The following CHAF1B variants were observed in gnomAD, a reference collection of about 807,000 sequenced individuals.
CHAF1B encodes chromatin assembly factor 1 subunit B, also known as CAF-1 subunit B.
Under a neutral mutation model 60.7 loss-of-function variants are expected in CHAF1B, and 10 were observed. The ratio of observed to expected loss-of-function variants is 0.16; its 90% CI spans 0.10 to 0.28. The LOEUF (loss-of-function observed/expected upper bound fraction) is 0.28. Among genes scored for constraint, CHAF1B ranks in the 10% least tolerant of loss-of-function variants. CHAF1B has a pLI of 1.00. For synonymous variants in CHAF1B, 261 were observed against 266.1 expected (o/e 0.98, Z 0.19); for missense variants, 558 against 708.4 (o/e 0.79, Z 2.41).
chr21:36,401,597 A>ATTTTATAATATACATAATATATAT (rs2086191614), intron 7 of CHAF1B, among the ~76,000 whole-genome samples: 1 of 78,340 alleles, frequency 1.3e-5, no homozygotes, highest in Non-Finnish European at 2.3e-5. Flanking sequence ...CATAATATAT[A>ATTTTATAATATACATAATATATAT]TTTTATATTA....
chr21:36,389,800 T>TGTGTGTGTGTGC, intron 3 of CHAF1B, among the ~76,000 whole-genome samples: 13 of 124,796 alleles, frequency 1.0e-4, no homozygotes, highest in South Asian at 2.7e-4. Flanking sequence ...TGTGTGTGTG[T>TGTGTGTGTGTGC]GCGCGCGCAC....
At position 36,408,837 on chromosome 21, in the gene CHAF1B, A is replaced by G; in HGVS notation, c.827+7A>G. The G allele has an allele frequency of 6.3e-7, 1 of 1,579,240 alleles. No homozygotes were observed. Among genetic ancestry groups the G allele is most frequent in the South Asian group, 1.1e-5 (1 of 90,158 alleles). On this transcript the variant is annotated splice_region_variant and intron_variant, in intron 9 of 13. Coordinates refer to ENST00000314103, the MANE Select transcript of CHAF1B (RefSeq NM_005441.3). ...CCAGGAAGAATCTTAAAAGGTATGC[A>G]GTCAAGGAAATGTTTGAAATGTTTA...
At chr21:36,404,400 T>C (rs924926409) in intron 8 of CHAF1B, among the ~76,000 whole-genome samples, 3 of 118,854 alleles carry the variant, frequency 2.5e-5, no homozygotes, top group African/African-American at 1.2e-4. Context: ...CGCCCGGCCC[T>C]TTTTTTTTTT....
At chr21:36,404,438 A>C (rs1388041572) in intron 8 of CHAF1B, among the ~76,000 whole-genome samples, 1 of 132,340 alleles carries the variant, frequency 7.6e-6, no homozygotes, top group Non-Finnish European at 1.6e-5. Flanking sequence ...TTTATTTATT[A>C]ATTTATTTAT....
chr21:36,394,052 C>T (rs2086116803), intron 4 of CHAF1B, among the ~76,000 whole-genome samples: 1 of 151,174 alleles, frequency 6.6e-6, no homozygotes, highest in Non-Finnish European at 1.5e-5. Flanking sequence ...GTGTGCGCCA[C>T]CACACCTGGC....
chr21:36,413,174 C>G lies in CHAF1B; in HGVS notation c.1352C>G (p.Ser451Cys). 1 of 1,614,088 alleles carries G rather than the reference C, an allele frequency of 6.2e-7. No individual in the cohort carries two copies. Reference sequence around the variant, plus strand: ...CCAACAGTCATCAGGGACCCTCCCTCCATCACTCCTGCTGTCAAAAGCCCC... The same window carrying G: ...CCAACAGTCATCAGGGACCCTCCCTGCATCACTCCTGCTGTCAAAAGCCCC... ...PAPTVIRDPP[S>C]ITPAVKSPLP... is the part of the protein sequence containing the mutation. Residue 451 changes from serine (S) to cysteine (C), a missense_variant, in exon 12 of 14, where the codon TCC (serine) becomes TGC (cysteine). By Grantham distance (112) the Ser-to-Cys change is moderately radical. Coordinates refer to ENST00000314103, the MANE Select transcript of CHAF1B (RefSeq NM_005441.3).
chr21:36,404,219 G>T (rs576776223), intron 8 of CHAF1B, among the ~76,000 whole-genome samples: 7 of 149,010 alleles, frequency 4.7e-5, no homozygotes, highest in African/African-American at 1.7e-4. Context: ...TCCTGCCTCA[G>T]CCTCCTGAGT....
In CHAF1B at chr21:36,391,561, C is replaced by A. The variant is rs2086088179; in HGVS notation, c.270C>A (p.Ile90=). 6.2e-7 allele frequency: 1 copy of A among 1,608,344 alleles called. No homozygotes were observed. Among genetic ancestry groups the A allele is most frequent in the East Asian group, 2.2e-5 (1 of 44,778 alleles). ...TGAATCACCCTGCAGATGCTGTCAT[C>A]CTATTGTGGAAGGTGAATGATAACA... ...ILASGGDDAV[I]LLWKVNDNKE... is the part of the protein sequence containing the mutation. Residue 90 remains isoleucine (I), a synonymous_variant, in exon 4 of 14, where the codon ATC becomes ATA. Transcript: ENST00000314103.
Position 36,387,543 on chromosome 21 carries a change from C to G in CHAF1B, c.127-55C>G, listed in dbSNP as rs1045365310. On this transcript the variant is annotated intron_variant, in intron 2 of 13. Coordinates refer to ENST00000314103, the MANE Select transcript of CHAF1B (RefSeq NM_005441.3). Reference sequence around the variant, plus strand: ...GCCCATAGTATTGTTTTAATACAGACAGTATAATATGTGCCCATTCTATGT... The same window carrying G: ...GCCCATAGTATTGTTTTAATACAGAGAGTATAATATGTGCCCATTCTATGT... The G allele has an allele frequency of 2.9e-5, 47 of 1,602,414 alleles. No individual in the cohort carries two copies. In the East Asian group the frequency reaches 1.0e-3, roughly 35 times the overall value.
At chr21:36,386,566 C>A (rs1047901466) in intron 2 of CHAF1B, among the ~76,000 whole-genome samples, 2 of 152,162 alleles carry the variant, frequency 1.3e-5, no homozygotes, top group Non-Finnish European at 2.9e-5. Context: ...CCACTGCACT[C>A]CAGCCTGGGT....
chr21:36,390,306 C>T (rs1280572081), intron 3 of CHAF1B, among the ~76,000 whole-genome samples: 1 of 140,178 alleles, frequency 7.1e-6, no homozygotes, highest in Non-Finnish European at 1.5e-5. Flanking sequence ...GCACTCCAGC[C>T]TGGGCAATAA....
At position 36,387,219 on chromosome 21, in the gene CHAF1B, G is replaced by GTT. The variant is rs1471540790; in HGVS notation, c.127-376_127-375dup. Among the ~76,000 whole-genome samples, 309 of 141,358 alleles carry GTT rather than the reference G, an allele frequency of 2.2e-3. 5 individuals are homozygous for GTT. Among genetic ancestry groups the GTT allele is most frequent in the African/African-American group, 6.0e-3 (227 of 37,734 alleles). The allele number at this position is 141,358 out of a possible 152,430, so 92.7% of individuals were successfully genotyped here. A position where few individuals can be genotyped will look rare whatever the true frequency, so the allele number is the denominator to read the frequency against. On this transcript the variant is annotated intron_variant, in intron 2 of 13. Transcript: ENST00000314103. ...AGTTTTCTTTCTGAAAATAAGCATAGTTTTGTTTTTTTTTTTTTTTTGAGA... is the reference window on the plus strand; with the variant it reads ...AGTTTTCTTTCTGAAAATAAGCATAGTTTTTTGTTTTTTTTTTTTTTTTGAGA...
At chr21:36,389,932 A>G (rs2086072946) in intron 3 of CHAF1B, among the ~76,000 whole-genome samples, 1 of 152,180 alleles carries the variant, frequency 6.6e-6, no homozygotes, top group Non-Finnish European at 1.5e-5. Context: ...TTGGAGGCCC[A>G]GAAACCTGCT....
At chr21:36,390,688 C>T (rs1366893520) in intron 3 of CHAF1B, among the ~76,000 whole-genome samples, 1 of 152,172 alleles carries the variant, frequency 6.6e-6, no homozygotes, top group African/African-American at 2.4e-5. Flanking sequence ...CAGGGTCTTG[C>T]TCTGTCACTG....
rs1278677723 is a variant in CHAF1B at position 36,402,785 on chromosome 21, G to A, written c.691G>A (p.Asp231Asn). The part of the protein sequence containing the change: ...EARSYRMFHD[D>N]SMKSFFRRLS... ...AAGAAGCTACCGGATGTTTCACGAC[G>A]ACAGCATGAAGTCTTTCTTCCGTAG... Residue 231 changes from aspartate to asparagine, a missense_variant, in exon 8 of 14, where the codon GAC (aspartate) becomes AAC (asparagine). Physicochemically the swap from Asp to Asn is conservative, Grantham distance 23. Around this residue, in one of 2 missense-constraint regions of CHAF1B, gnomAD observed 325 missense variants for 493.5 expected, o/e 0.66. Transcript: ENST00000314103. The A allele has an allele frequency of 2.5e-6, 4 of 1,613,870 alleles. No homozygotes were observed. The highest frequency in any genetic ancestry group is 2.2e-5 in the East Asian group (1 of 44,880).
chr21:36,409,004 G>A (rs1256244953), intron 9 of CHAF1B, among the ~76,000 whole-genome samples, 174 bp downstream of exon 9: 4 of 151,910 alleles, frequency 2.6e-5, no homozygotes, highest in South Asian at 2.1e-4. Flanking sequence ...ACAGGTGCCC[G>A]CCACCACTCC....
intron 7 of CHAF1B, among the ~76,000 whole-genome samples, chr21:36,400,062 A>G (rs1217581786): frequency 6.6e-6 from 1 of 152,126 alleles, no homozygotes; most frequent in African/African-American, 2.4e-5. Flanking sequence ...CTGTAATCCC[A>G]GCTACTCGGG....
At chr21:36,391,842 G>T (rs1486439964) in intron 4 of CHAF1B, among the ~76,000 whole-genome samples, 174 bp downstream of exon 4, 1 of 148,540 alleles carries the variant, frequency 6.7e-6, no homozygotes, top group African/African-American at 2.5e-5. Context: ...GGGCTCAAGT[G>T]ATCCTCTCAC....
At position 36,397,781 on chromosome 21, in the gene CHAF1B, G is replaced by A. The variant is rs984127206; in HGVS notation, c.578+270G>A. The A allele has an allele frequency of 5.3e-5, 10 of 188,910 alleles. No homozygotes were observed. In the East Asian group the frequency reaches 8.3e-4, roughly 16 times the overall value. The allele number at this position is 188,910 out of a possible 1,614,324, so 11.7% of individuals were successfully genotyped here. A position where few individuals can be genotyped will look rare whatever the true frequency, so the allele number is the denominator to read the frequency against. On this transcript the variant is annotated intron_variant, in intron 6 of 13. Transcript: ENST00000314103. ...CTGTCACCCAGGCAGGTGTTGTGGCGCAATCTCACAATCTCAGCTCACTGC... is the reference window on the plus strand; with the variant it reads ...CTGTCACCCAGGCAGGTGTTGTGGCACAATCTCACAATCTCAGCTCACTGC...
Sources: allele counts gnomAD v4.1 joint callset (sites outside exome capture counted in the v4.1 genomes callset), GRCh38; gene constraint gnomAD v4.1.1; regional missense constraint gnomAD v4.1.1; transcripts MANE v1.5; gene names NCBI Gene and HGNC (gene_info 2026-07-23, HGNC 2026-07-21).